TNRC6C: variants seen among roughly 807,000 people sequenced by gnomAD.
The protein encoded by TNRC6C is trinucleotide repeat-containing gene 6C protein.
In TNRC6C, 20 loss-of-function variants were observed where a neutral mutation model predicts 153.7. That is an observed-to-expected ratio of 0.13 (90% CI 0.09 to 0.19). The LOEUF is 0.19. Among genes scored for constraint, TNRC6C ranks in the 10% least tolerant of loss-of-function variants. The pLI is 1.00. For missense variants in TNRC6C, 1,987 were observed against 2,172.0 expected, an observed-to-expected ratio of 0.91 and a Z score of 1.69; for synonymous variants, 811 against 841.4, an observed-to-expected ratio of 0.96 and a Z score of 0.63.
chr17:78,098,733 C>G (rs2073534842), intron 17 of TNRC6C, among the ~76,000 whole-genome samples, 196 bp downstream of exon 20: 1 of 152,182 alleles, frequency 6.6e-6, no homozygotes, highest in Non-Finnish European at 1.5e-5. Context: ...TTAGCATCAG[C>G]CTAGGTGTGC....
chr17:77,966,672 C>G (rs1203264152), intron 1 of TNRC6C, among the ~76,000 whole-genome samples: 3 of 152,168 alleles, frequency 2.0e-5, no homozygotes, highest in African/African-American at 7.2e-5. Context: ...AGGTTGTGTT[C>G]TGCAGTAGAG....
chr17:77,964,221 T>A (rs2070881201), intron 1 of TNRC6C, among the ~76,000 whole-genome samples: 1 of 152,236 alleles, frequency 6.6e-6, no homozygotes, highest in Non-Finnish European at 1.5e-5. Context: ...TGGTTTACTC[T>A]GAAGACCCTC....
chr17:77,991,738 C>G (rs775480606), intron 1 of TNRC6C, among the ~76,000 whole-genome samples: 6 of 152,212 alleles, frequency 3.9e-5, no homozygotes, highest in Non-Finnish European at 8.8e-5. Context: ...TGATTATCCT[C>G]TTCAATTTCC....
chr17:78,034,968 G>A (rs950630898), intron 2 of TNRC6C, among the ~76,000 whole-genome samples: 2 of 152,006 alleles, frequency 1.3e-5, no homozygotes, highest in Non-Finnish European at 2.9e-5. Flanking sequence ...AATAAATAAC[G>A]TCTCTGAGCT....
At chr17:77,983,076 G>A (rs955203473) in intron 1 of TNRC6C, among the ~76,000 whole-genome samples, 1 of 152,258 alleles carries the variant, frequency 6.6e-6, no homozygotes, top group Middle Eastern at 3.4e-3. Context: ...ATTAGGGAGA[G>A]CAGGATATTT....
chr17:77,974,055 G>A (rs2070964634), intron 1 of TNRC6C, among the ~76,000 whole-genome samples: 1 of 145,884 alleles, frequency 6.9e-6, no homozygotes, highest in Admixed American at 6.9e-5. Context: ...GGGAGGGAGG[G>A]GGAGGGGGGA....
At chr17:78,101,180 A>G (rs952933227) in intron 17 of TNRC6C, among the ~76,000 whole-genome samples, 1 of 152,174 alleles carries the variant, frequency 6.6e-6, no homozygotes, top group African/African-American at 2.4e-5. Context: ...TTCTTCTGCC[A>G]GATACCCTCA....
chr17:77,968,321 C>T (rs1048880526), intron 1 of TNRC6C, among the ~76,000 whole-genome samples: 21 of 151,790 alleles, frequency 1.4e-4, no homozygotes, highest in African/African-American at 4.8e-4. Context: ...CGTCAGCCAC[C>T]GCGCCTGGCT....
At chr17:78,010,705 T>A (rs1358136189) in intron 1 of TNRC6C, among the ~76,000 whole-genome samples, 1 of 152,236 alleles carries the variant, frequency 6.6e-6, no homozygotes, top group Non-Finnish European at 1.5e-5. Context: ...AAATATTAGA[T>A]ATGTCTTTCT....
chr17:78,000,618 G>GGC (rs1555628252), upstream of TNRC6C, among the ~76,000 whole-genome samples: 1 of 13,046 alleles, frequency 7.7e-5, no homozygotes, highest in African/African-American at 3.5e-4. Flanking sequence ...TTCTCCCTCC[G>GGC]CCCCCCCCCC....
intron 1 of TNRC6C, among the ~76,000 whole-genome samples, chr17:77,967,096 C>T (rs1364179258): frequency 1.3e-5 from 2 of 152,092 alleles, no homozygotes; most frequent in African/African-American, 4.8e-5. Flanking sequence ...TTTTATCAGT[C>T]AGGTGATGAA....
In TNRC6C at chr17:78,091,341, A is replaced by T. The variant is rs556480039; in HGVS notation, c.3803-99A>T. 321 of 1,289,908 alleles carry T rather than the reference A, an allele frequency of 2.5e-4. 2 individuals carry two copies. The Middle Eastern group carries it at 4.0e-3, about 16-fold the overall frequency. The allele number at this position is 1,289,908 out of a possible 1,614,324, so 79.9% of individuals were successfully genotyped here. The stretch of plus-strand genomic sequence containing the variant: ...GACTCCGTCTCAAAAAAAAAAAAAA[A>T]TTTGCTGTAAGCGAAGACTGAAATA... On this transcript the variant is annotated intron_variant, in intron 13 of 19. Coordinates refer to ENST00000301624, the Ensembl canonical transcript of TNRC6C.
chr17:78,092,918 C>G lies in TNRC6C; in HGVS notation c.3971-15C>G. On this transcript the variant is annotated splice_polypyrimidine_tract_variant and intron_variant, in intron 14 of 19. Coordinates refer to ENST00000301624, the Ensembl canonical transcript of TNRC6C. ...GAGTATTCACTCGCTTCTTTGTTTCCTATTGTCCCCATAGGTGCTATCCCT... is the reference window on the plus strand; with the variant it reads ...GAGTATTCACTCGCTTCTTTGTTTCGTATTGTCCCCATAGGTGCTATCCCT... The G allele has an allele frequency of 1.2e-6, 2 of 1,612,296 alleles. No individual in the cohort carries two copies. Among genetic ancestry groups the G allele is most frequent in the Non-Finnish European group, 1.7e-6 (2 of 1,178,962 alleles).
exon 3 of TNRC6C, chr17:78,051,182 C>T (rs868380749): frequency 3.2e-6 from 5 of 1,575,550 alleles, no homozygotes; most frequent in Non-Finnish European, 4.3e-6. Flanking sequence ...AGCAGTGAAG[C>T]AACTGGCTGG....
chr17:78,071,946 AATTCCTGAG>A (rs1277749927), intron 6 of TNRC6C, among the ~76,000 whole-genome samples: 1 of 152,206 alleles, frequency 6.6e-6, no homozygotes, highest in Non-Finnish European at 1.5e-5. Flanking sequence ...CAGTCTGTTC[AATTCCTGAG>A]ATTGGATGGC....
intron 1 of TNRC6C, among the ~76,000 whole-genome samples, chr17:77,997,147 T>G (rs1215890466): frequency 6.6e-6 from 1 of 152,176 alleles, no homozygotes; most frequent in Non-Finnish European, 1.5e-5. Flanking sequence ...AGAAGCGTGG[T>G]CAGTTCAGGC....
At chr17:78,082,368 A>G (rs996112245) in intron 10 of TNRC6C, among the ~76,000 whole-genome samples, 2 of 152,128 alleles carry the variant, frequency 1.3e-5, no homozygotes, top group Non-Finnish European at 2.9e-5. Context: ...ATGCAGAAGT[A>G]CAGTATACAG....
At chr17:78,002,155 C>G (rs17639052), upstream of TNRC6C, among the ~76,000 whole-genome samples, 2,720 of 152,024 alleles carry the variant, frequency 0.018, 27 homozygotes, top group Non-Finnish European at 0.029. Flanking sequence ...GCAAGGTAGA[C>G]AGTAACTTTT....
chr17:78,004,130 T>C (rs2071457301), upstream of TNRC6C: 1 of 1,231,450 alleles, frequency 8.1e-7, no homozygotes, highest in Non-Finnish European at 1.0e-6. Context: ...TGACTTAACA[T>C]GATCATCAAA....
Sources: allele counts gnomAD v4.1 joint callset (sites outside exome capture counted in the v4.1 genomes callset), GRCh38; gene constraint gnomAD v4.1.1; transcripts MANE v1.5; gene names NCBI Gene and HGNC (gene_info 2026-07-23, HGNC 2026-07-21).